BMPER: variants seen among roughly 807,000 people sequenced by gnomAD.
BMPER encodes the protein BMP binding endothelial regulator.
A neutral mutation model predicts 87.3 loss-of-function variants in BMPER; 45 were observed. The observed-to-expected ratio is 0.52, with a 90% CI of 0.41 to 0.66. The LOEUF (loss-of-function observed/expected upper bound fraction) is 0.66. Among genes scored for constraint, BMPER ranks in the 30% least tolerant of loss-of-function variants. BMPER has a pLI of 0.00. For missense variants in BMPER, 784 were observed against 867.5 expected (o/e 0.90, Z 1.21); for synonymous variants, 326 against 316.2 (o/e 1.03, Z -0.33).
intron 14 of BMPER, among the ~76,000 whole-genome samples, chr7:34,147,260 G>C (rs1224715917): frequency 6.6e-6 from 1 of 152,202 alleles, no homozygotes; most frequent in African/African-American, 2.4e-5. Context: ...TCCTGTAAAA[G>C]TTCAAGAGAT....
At chr7:34,037,739 A>G (rs1231144026) in intron 6 of BMPER, among the ~76,000 whole-genome samples, 1 of 152,242 alleles carries the variant, frequency 6.6e-6, no homozygotes, top group South Asian at 2.1e-4. Flanking sequence ...GCTGTCCATC[A>G]GCGCTTATAA....
At chr7:34,131,413 T>C (rs971996561) in intron 13 of BMPER, among the ~76,000 whole-genome samples, 3 of 152,158 alleles carry the variant, frequency 2.0e-5, no homozygotes, top group Admixed American at 6.5e-5. Context: ...GCCCCCAGCA[T>C]CTGAAAAAGT....
chr7:33,993,975 G>C (rs907531895), intron 6 of BMPER, among the ~76,000 whole-genome samples: 1 of 152,138 alleles, frequency 6.6e-6, no homozygotes, highest in Admixed American at 6.5e-5. Context: ...CAGTCTGCCC[G>C]TTCTCAGATC....
At chr7:34,114,474 C>G (rs1458033300) in intron 13 of BMPER, among the ~76,000 whole-genome samples, 2 of 152,200 alleles carry the variant, frequency 1.3e-5, no homozygotes, top group African/African-American at 4.8e-5. Flanking sequence ...AAAGTATTTA[C>G]TAAATGCCTT....
At chr7:33,936,937 A>G (rs768873570) in intron 2 of BMPER, among the ~76,000 whole-genome samples, 1 of 152,314 alleles carries the variant, frequency 6.6e-6, no homozygotes, top group Non-Finnish European at 1.5e-5. Context: ...CAACAGGCAA[A>G]ATATGGTTTA....
chr7:34,072,619 C>T (rs1788767421), intron 11 of BMPER, among the ~76,000 whole-genome samples: 1 of 152,082 alleles, frequency 6.6e-6, no homozygotes, highest in East Asian at 1.9e-4. Flanking sequence ...TCAGAAGTGC[C>T]CATCTTGAGA....
chr7:33,921,918 C>G (rs561627169), intron 2 of BMPER: 2 of 460,494 alleles, frequency 4.3e-6, no homozygotes, highest in South Asian at 3.1e-5. Context: ...CTCCCCACTT[C>G]ACCCCAACCC....
At chr7:33,974,857 C>G in intron 6 of BMPER, 73 bp downstream of exon 6, 1 of 1,398,948 alleles carries the variant, frequency 7.1e-7, no homozygotes, top group Non-Finnish European at 1.0e-6. Flanking sequence ...AGAGCACCCC[C>G]GGTCTCTACA....
Position 34,051,943 on chromosome 7 carries a change from C to T in BMPER, c.759C>T (p.Tyr253=), listed in dbSNP as rs377437543. The change falls in exon 8 of 15, where the codon TAC becomes TAT. Residue 253 remains tyrosine, a synonymous_variant. Transcript: ENST00000649409. ...DVYDNGSSFL[Y]DNCTACTCRD... The stretch of plus-strand genomic sequence containing the variant: ...ATGACAATGGATCCTCATTTCTGTA[C>T]GATAACTGCACAGCTTGTACCTGCA... 3.8e-5 allele frequency: 62 copies of T among 1,613,778 alleles called. 1 individual carries two copies. Among genetic ancestry groups the T allele is most frequent in the African/African-American group, 1.3e-4 (10 of 75,002 alleles).
chr7:33,935,690 A>G (rs1042413629), intron 2 of BMPER, among the ~76,000 whole-genome samples: 1 of 152,180 alleles, frequency 6.6e-6, no homozygotes, highest in African/African-American at 2.4e-5. Flanking sequence ...AAATGAAAAA[A>G]CAAAACAGCA....
Position 33,965,114 on chromosome 7 carries a change from T to C in BMPER, c.320-1365T>C, listed in dbSNP as rs147137919. Among the ~76,000 whole-genome samples, 182 of 152,350 alleles carry C rather than the reference T, an allele frequency of 1.2e-3. 1 individual carries two copies. The highest frequency in any genetic ancestry group is 4.3e-3 in the African/African-American group (178 of 41,586). On this transcript the variant is annotated intron_variant, in intron 3 of 14. Coordinates refer to ENST00000649409, the MANE Select transcript of BMPER (RefSeq NM_001365308.1). The stretch of plus-strand genomic sequence containing the variant: ...ATTCTCGATTTGGCATAAGTATTTG[T>C]AGTGTGCTAGGGGTTCCTGTGGTTG...
At chr7:33,962,225 C>T (rs1297444322) in intron 3 of BMPER, among the ~76,000 whole-genome samples, 3 of 152,050 alleles carry the variant, frequency 2.0e-5, no homozygotes, top group Non-Finnish European at 4.4e-5. Context: ...TTTTCATTGC[C>T]CCGTGTTCTC....
Position 34,062,062 on chromosome 7 carries a change from T to C in BMPER, c.1078+15T>C, listed in dbSNP as rs777606754. Reference sequence around the variant, plus strand: ...TTGCACTGAAAGTAAGTTTATTCCTTTGAAAATGTGCTATTAGTATTTGTT... The same window carrying C: ...TTGCACTGAAAGTAAGTTTATTCCTCTGAAAATGTGCTATTAGTATTTGTT... On this transcript the variant is annotated intron_variant, in intron 11 of 14. Coordinates refer to ENST00000649409, the MANE Select transcript of BMPER (RefSeq NM_001365308.1). 44 of 1,607,184 alleles carry C rather than the reference T, an allele frequency of 2.7e-5. No individual in the cohort carries two copies. The South Asian group carries it at 4.5e-4, about 17-fold the overall frequency.
chr7:34,049,548 C>T (rs138821526), intron 7 of BMPER, among the ~76,000 whole-genome samples: 14 of 152,178 alleles, frequency 9.2e-5, no homozygotes, highest in Admixed American at 2.0e-4. Flanking sequence ...TAACTCTAAG[C>T]GGTAGAAGGG....
intron 13 of BMPER, among the ~76,000 whole-genome samples, chr7:34,129,558 AAAGG>A (rs1364873471): frequency 1.5e-4 from 22 of 142,474 alleles, no homozygotes; most frequent in Admixed American, 2.9e-4. Flanking sequence ...GACAGAAAGA[AAAGG>A]AAGGAAGGAA....
chr7:33,905,767 G>GGGCGGC, intron 1 of BMPER, 21 bp downstream of exon 1: 6 of 914,070 alleles, frequency 6.6e-6, no homozygotes, highest in Non-Finnish European at 9.9e-6. Context: ...GGGCGGGAGG[G>GGGCGGC]ACCGGCCCTC....
chr7:34,060,449 A>G (rs1228323996), intron 10 of BMPER, among the ~76,000 whole-genome samples: 1 of 152,228 alleles, frequency 6.6e-6, no homozygotes, highest in Non-Finnish European at 1.5e-5. Flanking sequence ...ATTGCAATTG[A>G]CAGCAGAGCT....
At chr7:33,954,899 A>T (rs999668691) in intron 3 of BMPER, among the ~76,000 whole-genome samples, 1 of 151,898 alleles carries the variant, frequency 6.6e-6, no homozygotes, top group African/African-American at 2.4e-5. Flanking sequence ...GCCTTTATCA[A>T]TTTTTTTATT....
At chr7:33,978,979 C>T (rs574675135) in intron 6 of BMPER, among the ~76,000 whole-genome samples, 4 of 152,216 alleles carry the variant, frequency 2.6e-5, no homozygotes, top group African/African-American at 9.6e-5. Context: ...TCATCAGGGA[C>T]TAACTGTACT....
Sources: allele counts gnomAD v4.1 joint callset (sites outside exome capture counted in the v4.1 genomes callset), GRCh38; gene constraint gnomAD v4.1.1; transcripts MANE v1.5; gene names NCBI Gene and HGNC (gene_info 2026-07-23, HGNC 2026-07-21).